Variants in DOK6 observed in about 807,000 individuals in gnomAD.
DOK6 encodes docking protein 6.
A neutral mutation model predicts 44.0 loss-of-function variants in DOK6; 22 were observed. That is an observed-to-expected ratio of 0.50 (90% CI 0.36 to 0.71). DOK6 has a LOEUF of 0.71. Among genes scored for constraint, DOK6 ranks in the 30% least tolerant of loss-of-function variants. The probability of loss-of-function intolerance (pLI) is 0.00; values close to 1 mark genes in which losing one functional copy is unlikely to be tolerated. For synonymous variants in DOK6, 166 were observed against 145.5 expected (o/e 1.14, Z -1.01); for missense variants, 340 against 416.4 (o/e 0.82, Z 1.60).
chr18:69,707,864 G>A (rs1218685926), intron 5 of DOK6, among the ~76,000 whole-genome samples: 1 of 152,128 alleles, frequency 6.6e-6, no homozygotes, highest in Non-Finnish European at 1.5e-5. Flanking sequence ...AGGGACTCAG[G>A]AAAAGCTTCC....
intron 3 of DOK6, among the ~76,000 whole-genome samples, chr18:69,650,296 G>A (rs1178812873): frequency 1.3e-5 from 2 of 152,092 alleles, no homozygotes; most frequent in African/African-American, 2.4e-5. Context: ...AATCTTAAGT[G>A]GGAGTTTCAG....
chr18:69,821,375 G>A (rs781258506), intron 7 of DOK6, among the ~76,000 whole-genome samples: 6 of 152,062 alleles, frequency 3.9e-5, no homozygotes, highest in African/African-American at 1.2e-4. Context: ...TGTCTGTTAC[G>A]GGGGTGGCAG....
chr18:69,712,830 G>T (rs1986799525), intron 5 of DOK6, among the ~76,000 whole-genome samples: 1 of 152,194 alleles, frequency 6.6e-6, no homozygotes, highest in African/African-American at 2.4e-5. Flanking sequence ...CTGGGCGACA[G>T]AGTGAGACTC....
chr18:69,708,677 G>A (rs1047037463), intron 5 of DOK6, among the ~76,000 whole-genome samples: 2 of 151,672 alleles, frequency 1.3e-5, no homozygotes, highest in African/African-American at 4.8e-5. Flanking sequence ...CCACCTACTC[G>A]GGAGGCTGAG....
chr18:69,762,254 G>T (rs1231895895), intron 7 of DOK6, among the ~76,000 whole-genome samples: 1 of 152,104 alleles, frequency 6.6e-6, no homozygotes, highest in Admixed American at 6.6e-5. Context: ...AGATGGGAGG[G>T]TCACTGAGCC....
intron 3 of DOK6, among the ~76,000 whole-genome samples, chr18:69,667,612 C>A (rs745970551): frequency 2.0e-5 from 3 of 152,202 alleles, no homozygotes; most frequent in Non-Finnish European, 4.4e-5. Flanking sequence ...GCTTTGCTAG[C>A]ATGAAAAAGT....
At chr18:69,750,960 A>G (rs1439125415) in intron 6 of DOK6, among the ~76,000 whole-genome samples, 2 of 152,224 alleles carry the variant, frequency 1.3e-5, no homozygotes, top group Non-Finnish European at 1.5e-5. Context: ...TTGCAGCAAC[A>G]TAGATGGAAT....
intron 1 of DOK6, among the ~76,000 whole-genome samples, chr18:69,466,775 G>A (rs994838730): frequency 2.0e-5 from 3 of 151,656 alleles, no homozygotes; most frequent in Non-Finnish European, 4.4e-5. Context: ...AGTAGGAAAA[G>A]TAAGAGGGAG....
intron 7 of DOK6, among the ~76,000 whole-genome samples, chr18:69,811,635 T>C (rs1192090037): frequency 6.8e-6 from 1 of 147,968 alleles, no homozygotes; most frequent in Non-Finnish European, 1.5e-5. Flanking sequence ...AAAAGTGAAT[T>C]AACTTTTAAA....
intron 5 of DOK6, among the ~76,000 whole-genome samples, chr18:69,709,803 T>A (rs2144713973): frequency 6.6e-6 from 1 of 152,334 alleles, no homozygotes; most frequent in South Asian, 2.1e-4. Context: ...TTTGGTCTTT[T>A]ATTTCTTCTA....
At chr18:69,502,294 G>A (rs1169229057) in intron 1 of DOK6, among the ~76,000 whole-genome samples, 2 of 151,996 alleles carry the variant, frequency 1.3e-5, no homozygotes, top group Non-Finnish European at 2.9e-5. Flanking sequence ...TAAGGCTCAG[G>A]ACTCTGAAAC....
At chr18:69,423,682 T>A (rs1220476622) in intron 1 of DOK6, among the ~76,000 whole-genome samples, 3 of 152,230 alleles carry the variant, frequency 2.0e-5, no homozygotes, top group Non-Finnish European at 2.9e-5. Context: ...TTTTAATTTA[T>A]AAGCCTAGAA....
intron 7 of DOK6, among the ~76,000 whole-genome samples, chr18:69,789,793 A>G (rs558449282): frequency 3.4e-4 from 52 of 152,302 alleles, no homozygotes; most frequent in Non-Finnish European, 6.5e-4. Flanking sequence ...CTATTTGAAT[A>G]TCATCTTCAG....
At chr18:69,404,811 GTGTA>G (rs920738794) in intron 1 of DOK6, among the ~76,000 whole-genome samples, 2 of 146,386 alleles carry the variant, frequency 1.4e-5, no homozygotes, top group African/African-American at 5.0e-5. Flanking sequence ...GTGTGTGTGT[GTGTA>G]TTCAGGTACA....
chr18:69,514,461 A>C (rs1232546343), intron 1 of DOK6, among the ~76,000 whole-genome samples: 1 of 152,184 alleles, frequency 6.6e-6, no homozygotes, highest in Non-Finnish European at 1.5e-5. Context: ...GTGTTGTAAA[A>C]TATTGTTTAA....
At chr18:69,712,394 G>A (rs1354384831) in intron 5 of DOK6, among the ~76,000 whole-genome samples, 5 of 148,242 alleles carry the variant, frequency 3.4e-5, no homozygotes, top group Non-Finnish European at 5.9e-5. Context: ...TATGAAAGAG[G>A]CAATGGATAT....
intron 2 of DOK6, among the ~76,000 whole-genome samples, chr18:69,574,774 T>C (rs1983199056): frequency 6.6e-6 from 1 of 152,112 alleles, no homozygotes; most frequent in Non-Finnish European, 1.5e-5. Flanking sequence ...ATGTTTTTTG[T>C]CATATTCTCA....
At chr18:69,522,912 G>A (rs2144566021) in intron 1 of DOK6, among the ~76,000 whole-genome samples, 1 of 152,208 alleles carries the variant, frequency 6.6e-6, no homozygotes, top group African/African-American at 2.4e-5. Context: ...GTAGGTTCTA[G>A]AGATCAAAGT....
At chr18:69,549,679 A>T (rs1291363337) in intron 1 of DOK6, among the ~76,000 whole-genome samples, 4 of 151,450 alleles carry the variant, frequency 2.6e-5, no homozygotes, top group Non-Finnish European at 5.9e-5. Flanking sequence ...ATGAAGTGAG[A>T]GTTTGTTAAA....
Sources: allele counts gnomAD v4.1 joint callset (sites outside exome capture counted in the v4.1 genomes callset), GRCh38; gene constraint gnomAD v4.1.1; transcripts MANE v1.5; gene names NCBI Gene and HGNC (gene_info 2026-07-23, HGNC 2026-07-21).